RHOU: variants seen among roughly 807,000 people sequenced by gnomAD.
The protein encoded by RHOU is ras homolog family member U, also known as rho-related GTP-binding protein RhoU.
Under a neutral mutation model 12.6 loss-of-function variants are expected in RHOU, and 8 were observed. That is an observed-to-expected ratio of 0.64 (90% CI 0.37 to 1.15). RHOU has a LOEUF of 1.15. RHOU is among the 50% of genes most tolerant of loss of function. RHOU has a pLI of 0.01. For synonymous variants in RHOU, 161 were observed against 147.4 expected (o/e 1.09, Z -0.67); for missense variants, 258 against 347.0 (o/e 0.74, Z 2.04).
the RHOU span, among the ~76,000 whole-genome samples, chr1:228,720,825 G>A: frequency 2.6e-5 from 4 of 152,296 alleles, no homozygotes; most frequent in African/African-American, 9.6e-5. Flanking sequence ...AGGATCACAT[G>A]TAGGCCCCTC....
the RHOU span, among the ~76,000 whole-genome samples, chr1:228,721,189 C>G: frequency 6.6e-6 from 1 of 152,186 alleles, no homozygotes; most frequent in Non-Finnish European, 1.5e-5. Context: ...GTAATCCCAG[C>G]CACTCGGGAG....
In RHOU at chr1:228,737,662, T is replaced by C. The variant is rs568814842; in HGVS notation, c.263-11T>C. 3 of 1,614,122 alleles carry C rather than the reference T, an allele frequency of 1.9e-6. No individual in the cohort carries two copies. In the South Asian group the frequency reaches 3.3e-5, roughly 18 times the overall value. The stretch of plus-strand genomic sequence containing the variant: ...ACACCTCCTGATTGTCATTTTGGTT[T>C]TGTTTTTAAGCGGTGGTGTCTGTGG... On this transcript the variant is annotated splice_polypyrimidine_tract_variant and intron_variant, in intron 1 of 2. Transcript: ENST00000366691. This position sits in a 1 kb window ranked among gnomAD's most constrained non-coding sequence, Gnocchi z 4.1.
the RHOU span, among the ~76,000 whole-genome samples, chr1:228,708,607 C>G: frequency 2.0e-5 from 3 of 151,806 alleles, no homozygotes; most frequent in Non-Finnish European, 4.4e-5. Flanking sequence ...CAAGCAAATA[C>G]TGAGAGATTT....
the RHOU span, among the ~76,000 whole-genome samples, chr1:228,722,728 T>C: frequency 1.3e-5 from 2 of 151,868 alleles, no homozygotes; most frequent in Non-Finnish European, 2.9e-5. Flanking sequence ...GTTCAAGCGA[T>C]TCTCCTGCCT....
At chr1:228,651,205 C>A in the RHOU span, 2 of 209,356 alleles carry the variant, frequency 9.6e-6, no homozygotes, top group South Asian at 2.0e-4. Context: ...CCTAGCTTCC[C>A]TCCTACCAGG....
At chr1:228,708,543 A>T in the RHOU span, among the ~76,000 whole-genome samples, 4 of 151,802 alleles carry the variant, frequency 2.6e-5, no homozygotes, top group Admixed American at 6.6e-5. Flanking sequence ...CCAGAATTTC[A>T]TATCCAGCCA....
chr1:228,663,847 G>T, the RHOU span, among the ~76,000 whole-genome samples: 4 of 151,266 alleles, frequency 2.6e-5, no homozygotes, highest in African/African-American at 9.7e-5. Context: ...TGGCCAGGCT[G>T]GTCCCGAACT....
At chr1:228,697,359 C>T in the RHOU span, among the ~76,000 whole-genome samples, 2 of 152,190 alleles carry the variant, frequency 1.3e-5, no homozygotes, top group Admixed American at 1.3e-4. Context: ...AAGAGACAAG[C>T]ACAGAGACCC....
chr1:228,713,029 T>C, the RHOU span, among the ~76,000 whole-genome samples: 1 of 151,718 alleles, frequency 6.6e-6, no homozygotes, highest in Admixed American at 6.6e-5. Flanking sequence ...GAATGGATGA[T>C]GAATGTTGTG....
At chr1:228,685,082 T>C in the RHOU span, among the ~76,000 whole-genome samples, 1 of 152,200 alleles carries the variant, frequency 6.6e-6, no homozygotes, top group East Asian at 1.9e-4. Context: ...ATAGGGTAAC[T>C]TCCTGACATT....
chr1:228,687,293 C>A, the RHOU span: 1 of 649,864 alleles, frequency 1.5e-6, no homozygotes, highest in Non-Finnish European at 2.7e-6. Context: ...AAGAGTTATC[C>A]CTTTCTTTTT....
the RHOU span, among the ~76,000 whole-genome samples, chr1:228,686,576 C>T: frequency 1.3e-5 from 2 of 152,138 alleles, no homozygotes; most frequent in Non-Finnish European, 2.9e-5. Flanking sequence ...TAGTGCAAGC[C>T]ATGGTGAGCA....
chr1:228,661,423 C>A, the RHOU span, among the ~76,000 whole-genome samples: 1 of 152,190 alleles, frequency 6.6e-6, no homozygotes, highest in Non-Finnish European at 1.5e-5. Flanking sequence ...TACCTGACTT[C>A]AAACTATACT....
chr1:228,712,831 ATAAAAT>A, the RHOU span, among the ~76,000 whole-genome samples: 8 of 71,448 alleles, frequency 1.1e-4, no homozygotes, highest in African/African-American at 5.9e-4. Flanking sequence ...AAATAAATAA[ATAAAAT>A]AAAATAAAAT....
chr1:228,676,839 G>A, the RHOU span, among the ~76,000 whole-genome samples: 3 of 152,172 alleles, frequency 2.0e-5, no homozygotes, highest in Non-Finnish European at 2.9e-5. Context: ...TGATCAGTTA[G>A]GGTGGGGCAG....
chr1:228,743,302 G>A lies in RHOU; in HGVS notation c.339G>A (p.Leu113=), dbSNP rs1181305343. The A allele has an allele frequency of 6.2e-7, 1 of 1,613,380 alleles. No homozygotes were observed. Among genetic ancestry groups the A allele is most frequent in the African/African-American group, 1.3e-5 (1 of 74,926 alleles). ...DTAGQDEFDK[L]RPLCYTNTDI... is the part of the protein sequence containing the mutation. The stretch of plus-strand genomic sequence containing the variant: ...GGTTGCAGGATGAATTTGACAAGCT[G>A]AGGCCTCTCTGCTACACCAACACAG... Residue 113 remains leucine, a synonymous_variant, in exon 3 of 3, where the codon CTG becomes CTA. Transcript: ENST00000366691. This position sits in a 1 kb window ranked among gnomAD's most constrained non-coding sequence, Gnocchi z 5.1.
At chr1:228,730,973 T>C (rs928090686), upstream of RHOU, among the ~76,000 whole-genome samples, 1 of 152,336 alleles carries the variant, frequency 6.6e-6, no homozygotes, top group South Asian at 2.1e-4. Context: ...GATACAAAAG[T>C]GACATGTACA....
chr1:228,746,285 G>A lies in RHOU; in HGVS notation c.*2545G>A, dbSNP rs562420449. The A allele has an allele frequency of 6.6e-6, 1 of 152,268 alleles. No homozygotes were observed. The highest frequency in any genetic ancestry group is 2.4e-5 in the African/African-American group (1 of 41,560). The allele number at this position is 152,268 out of a possible 1,614,324, so 9.4% of individuals were successfully genotyped here. Reference sequence around the variant, plus strand: ...TGGTTCACTTCAAAGCTAAAAAATTGTTAAACTTGCAGCTTGGTATTGCAG... The same window carrying A: ...TGGTTCACTTCAAAGCTAAAAAATTATTAAACTTGCAGCTTGGTATTGCAG... On this transcript the variant is annotated 3_prime_UTR_variant, in exon 3 of 3. Coordinates refer to ENST00000366691, the MANE Select transcript of RHOU (RefSeq NM_021205.6).
rs1309817425 is a variant in RHOU, at chr1:228,737,748, A to G, written c.321+17A>G. 6.2e-7 allele frequency: 1 copy of G among 1,613,446 alleles called. No individual in the cohort carries two copies. Among genetic ancestry groups the G allele is most frequent in the African/African-American group, 1.3e-5 (1 of 74,908 alleles). On this transcript the variant is annotated intron_variant, in intron 2 of 2. Transcript: ENST00000366691. The surrounding 1 kb of genome is among the most constrained non-coding windows in gnomAD (Gnocchi z 4.1). ...GCCGGACAGGTCAGTATCACGTTAC[A>G]GCTCAGTGCTGGGAAAGGAAACAGC...
Sources: allele counts gnomAD v4.1 joint callset (sites outside exome capture counted in the v4.1 genomes callset), GRCh38; gene constraint gnomAD v4.1.1; non-coding constraint Gnocchi (gnomAD v3.1); transcripts MANE v1.5; gene names NCBI Gene and HGNC (gene_info 2026-07-23, HGNC 2026-07-21).